Variants in HS6ST3 observed in about 807,000 individuals in gnomAD.
HS6ST3 encodes heparan-sulfate 6-O-sulfotransferase 3.
Under a neutral mutation model 36.7 loss-of-function variants are expected in HS6ST3, and 12 were observed. That is an observed-to-expected ratio of 0.33 (90% confidence interval 0.21 to 0.53). HS6ST3 has a LOEUF of 0.53. Among genes scored for constraint, HS6ST3 ranks in the 20% least tolerant of loss-of-function variants. The probability of loss-of-function intolerance (pLI) is 0.95; values close to 1 mark genes in which losing one functional copy is unlikely to be tolerated. For missense variants in HS6ST3, 584 were observed against 640.9 expected (o/e 0.91, Z 0.96); for synonymous variants, 240 against 257.5 (o/e 0.93, Z 0.65).
At chr13:96,296,803 C>G (rs2054857112) in intron 1 of HS6ST3, among the ~76,000 whole-genome samples, 1 of 151,888 alleles carries the variant, frequency 6.6e-6, no homozygotes, top group Admixed American at 6.6e-5. Flanking sequence ...AATGTTTTAC[C>G]AGGAACATTT....
Position 96,626,381 on chromosome 13 carries a change from C to T in HS6ST3, c.708-206109C>T, listed in dbSNP as rs569536121. On this transcript the variant is annotated intron_variant, in intron 1 of 1. Coordinates refer to ENST00000376705, the MANE Select transcript of HS6ST3 (RefSeq NM_153456.4). ...AGTACTACTTATTGAAAAATCTACC[C>T]TTTCTCCACAGTTTTGCAACCAACT... Among the ~76,000 whole-genome samples the T allele has an allele frequency of 5.3e-5, 8 of 152,236 alleles. No homozygotes were observed. The South Asian group carries it at 1.7e-3, about 32-fold the overall frequency.
At chr13:96,562,681 A>C (rs1483098287) in intron 1 of HS6ST3, among the ~76,000 whole-genome samples, 2 of 152,138 alleles carry the variant, frequency 1.3e-5, no homozygotes, top group Non-Finnish European at 2.9e-5. Flanking sequence ...TCAGCATCAT[A>C]ACATTAAAAA....
At chr13:96,627,658 CT>C (rs2056517752) in intron 1 of HS6ST3, among the ~76,000 whole-genome samples, 1 of 151,694 alleles carries the variant, frequency 6.6e-6, no homozygotes, top group South Asian at 2.1e-4. Context: ...TTATTCAGGC[CT>C]GCTATTTTTT....
chr13:96,423,548 C>T (rs2055571450), intron 1 of HS6ST3, among the ~76,000 whole-genome samples: 1 of 151,222 alleles, frequency 6.6e-6, no homozygotes, highest in Non-Finnish European at 1.5e-5. Context: ...CATTTGGGTA[C>T]CTGGAAAAAA....
intron 1 of HS6ST3, among the ~76,000 whole-genome samples, chr13:96,213,020 T>A (rs1231008732): frequency 6.6e-6 from 1 of 152,234 alleles, no homozygotes; most frequent in African/African-American, 2.4e-5. Flanking sequence ...TTTTCTATAC[T>A]GACAGAGCAG....
intron 1 of HS6ST3, among the ~76,000 whole-genome samples, chr13:96,117,580 A>T (rs538420956): frequency 6.6e-6 from 1 of 152,224 alleles, no homozygotes; most frequent in Non-Finnish European, 1.5e-5. Flanking sequence ...CATAATATCT[A>T]TGAAAATATG....
At chr13:96,745,799 C>G (rs996891826) in intron 1 of HS6ST3, among the ~76,000 whole-genome samples, 1 of 152,054 alleles carries the variant, frequency 6.6e-6, no homozygotes, top group South Asian at 2.1e-4. Context: ...CAACATTACT[C>G]TTATAGCCAA....
In HS6ST3 at chr13:96,091,250, A is replaced by T; in HGVS notation, c.388A>T (p.Ser130Cys). 1.2e-6 allele frequency: 2 copies of T among 1,604,998 alleles called. No homozygotes were observed. The highest frequency in any genetic ancestry group is 1.7e-6 in the Non-Finnish European group (2 of 1,175,666). The change falls in exon 1 of 2, where the codon AGC becomes TGC. Residue 130 changes from serine (S) to cysteine (C), a missense_variant. Ser to Cys is a moderately radical substitution (Grantham distance 112). Around this residue, in one of 3 missense-constraint regions of HS6ST3, gnomAD observed 217 missense variants for 205.4 expected, o/e 1.06. Coordinates refer to ENST00000376705, the MANE Select transcript of HS6ST3 (RefSeq NM_153456.4). The part of the protein sequence containing the change: ...LPRFVPRFNF[S>C]LKDLTRFVDF... ...CCGATTCGTGCCGCGCTTCAACTTC[A>T]GCCTGAAGGACCTGACCCGCTTCGT...
intron 1 of HS6ST3, among the ~76,000 whole-genome samples, chr13:96,218,347 G>GC (rs2054437459): frequency 6.6e-6 from 1 of 152,196 alleles, no homozygotes; most frequent in South Asian, 2.1e-4. Flanking sequence ...CCAGTGGGAA[G>GC]CTGGGGGGCA....
chr13:96,306,638 C>T (rs11618312), intron 1 of HS6ST3, among the ~76,000 whole-genome samples: 20,349 of 152,140 alleles, frequency 0.13, 1,572 homozygotes, highest in African/African-American at 0.21. Flanking sequence ...AAGAATCCCA[C>T]TGACTGCTGG....
rs527594332 is a variant in HS6ST3, at chr13:96,243,182, A to G, written c.707+151613A>G. ...GAATTTACACATGTAGTACATCTCA[A>G]TTTGGACTAAACACCTTTGAAGTGC... On this transcript the variant is annotated intron_variant, in intron 1 of 1. Coordinates refer to ENST00000376705, the MANE Select transcript of HS6ST3 (RefSeq NM_153456.4). 5.6e-4 allele frequency among the ~76,000 whole-genome samples: 86 copies of G among 152,332 alleles called. No homozygotes were observed. The Middle Eastern group carries it at 0.01, about 18-fold the overall frequency.
intron 1 of HS6ST3, among the ~76,000 whole-genome samples, chr13:96,373,072 G>A (rs987357070): frequency 8.5e-5 from 13 of 152,084 alleles, no homozygotes; most frequent in Non-Finnish European, 1.5e-4. Flanking sequence ...TGTGGCTGCT[G>A]CATCATTTTA....
intron 1 of HS6ST3, among the ~76,000 whole-genome samples, chr13:96,130,723 G>C (rs146103644): frequency 4.6e-5 from 7 of 152,238 alleles, no homozygotes; most frequent in Admixed American, 3.3e-4. Context: ...TTTTCAGTCA[G>C]CTCTCTAGTA....
chr13:96,493,088 G>T (rs1323686026), intron 1 of HS6ST3, among the ~76,000 whole-genome samples: 3 of 152,162 alleles, frequency 2.0e-5, no homozygotes, highest in Non-Finnish European at 4.4e-5. Context: ...CATGTTTCTT[G>T]CTGTTTAGCT....
At chr13:96,711,508 A>G (rs1875560759) in intron 1 of HS6ST3, among the ~76,000 whole-genome samples, 1 of 152,250 alleles carries the variant, frequency 6.6e-6, no homozygotes, top group South Asian at 2.1e-4. Context: ...TGAAAATAGC[A>G]TATAGGCGAT....
At chr13:96,160,968 A>G (rs146624671) in intron 1 of HS6ST3, among the ~76,000 whole-genome samples, 294 of 152,294 alleles carry the variant, frequency 1.9e-3, no homozygotes, top group Non-Finnish European at 1.8e-3. Flanking sequence ...TAGAGCTATA[A>G]TATGAAATCC....
chr13:96,464,267 C>T (rs916907875), intron 1 of HS6ST3, among the ~76,000 whole-genome samples: 2 of 151,170 alleles, frequency 1.3e-5, no homozygotes, highest in Non-Finnish European at 2.9e-5. Context: ...TGTTTTCTTA[C>T]ACATTGTTAC....
At chr13:96,465,188 T>C (rs903133100) in intron 1 of HS6ST3, among the ~76,000 whole-genome samples, 1 of 152,316 alleles carries the variant, frequency 6.6e-6, no homozygotes, top group East Asian at 1.9e-4. Context: ...AACACTTTGG[T>C]ATCACTTAAT....
chr13:96,121,035 G>T (rs1283653972), intron 1 of HS6ST3, among the ~76,000 whole-genome samples: 3 of 152,122 alleles, frequency 2.0e-5, no homozygotes, highest in South Asian at 4.1e-4. Context: ...GGGCACAAAG[G>T]TTTCATTTCC....
Sources: allele counts gnomAD v4.1 joint callset (sites outside exome capture counted in the v4.1 genomes callset), GRCh38; gene constraint gnomAD v4.1.1; regional missense constraint gnomAD v4.1.1; transcripts MANE v1.5; gene names NCBI Gene and HGNC (gene_info 2026-07-23, HGNC 2026-07-21).